DIS3L: variants seen among roughly 807,000 people sequenced by gnomAD.
DIS3L encodes DIS3-like exonuclease 1.
Under a neutral mutation model 120.3 loss-of-function variants are expected in DIS3L, and 100 were observed. The ratio of observed to expected loss-of-function variants is 0.83; its 90% CI spans 0.71 to 0.98. The LOEUF (loss-of-function observed/expected upper bound fraction) is 0.98. DIS3L is among the 50% of genes least tolerant of loss of function. DIS3L has a pLI of 0.00. For synonymous variants in DIS3L, 426 were observed against 470.6 expected (o/e 0.91, Z 1.23); for missense variants, 1,196 against 1,314.2 (o/e 0.91, Z 1.39).
At chr15:66,327,674 G>A (rs772924298) in intron 12 of DIS3L, among the ~76,000 whole-genome samples, 29 of 152,112 alleles carry the variant, frequency 1.9e-4, no homozygotes, top group Non-Finnish European at 1.5e-5. Context: ...AACCCGGGAG[G>A]CGGAGGTTGC....
chr15:66,318,639 A>C, intron 8 of DIS3L, 21 bp downstream of exon 8: 1 of 1,611,282 alleles, frequency 6.2e-7, no homozygotes, highest in Non-Finnish European at 8.5e-7. Context: ...TTCTACCTCT[A>C]CTATGGGATC....
intron 2 of DIS3L, among the ~76,000 whole-genome samples, chr15:66,296,819 G>A (rs1423930101): frequency 6.6e-6 from 1 of 152,190 alleles, no homozygotes; most frequent in Non-Finnish European, 1.5e-5. Flanking sequence ...ACTGTGCCCG[G>A]CCCAAAATCA....
In DIS3L at chr15:66,306,394, C is replaced by T. The variant is rs542041813; in HGVS notation, c.294-430C>T. Among the ~76,000 whole-genome samples the T allele has an allele frequency of 5.3e-5, 8 of 152,250 alleles. No homozygotes were observed. The East Asian group carries it at 1.5e-3, about 29-fold the overall frequency. ...ACATGTTCTTGTCTAGGGCTGCCAG[C>T]AAAAAGTCAAATGTATTAATGCTTA... On this transcript the variant is annotated intron_variant, in intron 2 of 16. Transcript: ENST00000319212.
rs748017042 is a variant in DIS3L at position 66,325,882 on chromosome 15, G to T, written c.1719G>T (p.Lys573Asn). 2 of 1,613,518 alleles carry T rather than the reference G, an allele frequency of 1.2e-6. No homozygotes were observed. The highest frequency in any genetic ancestry group is 8.5e-7 in the Non-Finnish European group (1 of 1,179,422). ...TGGATAAAGCCTCTTATGAAATTAA[G>T]AAAGTGTGGTATGGCAGAACCATTA... Reference protein sequence around the residue: ...WELDKASYEIKKVWYGRTIIR... With the variant: ...WELDKASYEINKVWYGRTIIR... The change falls in exon 12 of 17, where the codon AAG (lysine) becomes AAT (asparagine). Residue 573 changes from lysine to asparagine, a missense_variant. Transcript: ENST00000319212.
At chr15:66,316,591 G>A (rs2092819368) in intron 7 of DIS3L, among the ~76,000 whole-genome samples, 1 of 152,152 alleles carries the variant, frequency 6.6e-6, no homozygotes, top group East Asian at 1.9e-4. Context: ...TGAGGTGGGT[G>A]GGTCACTTGA....
chr15:66,329,452 T>C (rs1294819757), intron 14 of DIS3L, 53 bp downstream of exon 14: 4 of 1,557,552 alleles, frequency 2.6e-6, no homozygotes, highest in African/African-American at 1.4e-5. Context: ...TAAGAAAATA[T>C]CAGCTTTATT....
In DIS3L at chr15:66,329,337, G is replaced by A; in HGVS notation, c.2473G>A (p.Gly825Arg). 1 of 1,614,016 alleles carries A rather than the reference G, an allele frequency of 6.2e-7. No homozygotes were observed. Among genetic ancestry groups the A allele is most frequent in the Non-Finnish European group, 8.5e-7 (1 of 1,179,994 alleles). The change falls in exon 14 of 17, where the codon GGA becomes AGA. Residue 825 changes from glycine (G) to arginine (R), a missense_variant. Transcript: ENST00000319212. ...AAAAGATAAGAAAATGGAAATTAAGGGAAATCTGTTCAGCAACAAAGATCT... is the reference window on the plus strand; with the variant it reads ...AAAAGATAAGAAAATGGAAATTAAGAGAAATCTGTTCAGCAACAAAGATCT... ...ISKDKKMEIK[G>R]NLFSNKDLEE...
At chr15:66,299,404 G>T (rs1048138173) in intron 2 of DIS3L, among the ~76,000 whole-genome samples, 3 of 152,108 alleles carry the variant, frequency 2.0e-5, no homozygotes, top group Non-Finnish European at 2.9e-5. Context: ...TTATCTGGGC[G>T]TGATGGTGGG....
At chr15:66,315,559 C>T (rs886904447) in intron 7 of DIS3L, among the ~76,000 whole-genome samples, 1 of 152,112 alleles carries the variant, frequency 6.6e-6, no homozygotes, top group Non-Finnish European at 1.5e-5. Flanking sequence ...AATAATAGTT[C>T]CTAACACGAG....
chr15:66,332,514 G>GTGTGTA lies in DIS3L; in HGVS notation c.2682-221_2682-220insGTGTAT, dbSNP rs1436427790. ...TGTGTGTGTGTGTGTGTGTGTGTGT[G>GTGTGTA]TATATATATACACACACACTTCTAT... is the stretch of plus-strand genomic sequence containing the variant. On this transcript the variant is annotated intron_variant, in intron 15 of 16. Transcript: ENST00000319212. Among the ~76,000 whole-genome samples the GTGTGTA allele has an allele frequency of 5.5e-3, 414 of 74,730 alleles. 3 individuals are homozygous for GTGTGTA. The highest frequency in any genetic ancestry group is 0.014 in the African/African-American group (394 of 28,598). 49.0% of individuals were successfully genotyped at this position (74,730 alleles called of 152,430 possible).
intron 2 of DIS3L, among the ~76,000 whole-genome samples, chr15:66,296,300 A>G (rs968431741): frequency 1.3e-5 from 2 of 152,188 alleles, no homozygotes; most frequent in Non-Finnish European, 2.9e-5. Flanking sequence ...TTGGAATTTA[A>G]ACGTTTTTTT....
intron 7 of DIS3L, among the ~76,000 whole-genome samples, chr15:66,318,087 C>A (rs1473005206): frequency 6.6e-6 from 1 of 152,086 alleles, no homozygotes; most frequent in Non-Finnish European, 1.5e-5. Context: ...GATTCTCCTG[C>A]CTTAGCCTCC....
intron 4 of DIS3L, among the ~76,000 whole-genome samples, chr15:66,310,544 G>T (rs1315769208): frequency 6.6e-6 from 1 of 152,198 alleles, no homozygotes; most frequent in Non-Finnish European, 1.5e-5. Context: ...GGGACTTGAA[G>T]TTAGATGGAG....
chr15:66,326,202 C>T lies in DIS3L; in HGVS notation c.2039C>T (p.Thr680Ile). ...IPKQPLEVHE[T>I]VAECMILANH... ...AAGCAGCCCCTGGAAGTCCACGAGA[C>T]AGTGGCTGAATGCATGATCCTGGCC... Residue 680 changes from threonine (T) to isoleucine (I), a missense_variant, in exon 12 of 17, where the codon ACA becomes ATA. Coordinates refer to ENST00000319212, the MANE Select transcript of DIS3L (RefSeq NM_001143688.3). The T allele has an allele frequency of 1.2e-6, 2 of 1,614,228 alleles. No homozygotes were observed. The highest frequency in any genetic ancestry group is 1.7e-6 in the Non-Finnish European group (2 of 1,180,042).
intron 7 of DIS3L, among the ~76,000 whole-genome samples, chr15:66,317,327 C>T (rs1380610837): frequency 2.1e-5 from 3 of 140,812 alleles, no homozygotes; most frequent in African/African-American, 8.1e-5. Flanking sequence ...CTGGTTGGAG[C>T]TCAGTAAATA....
At chr15:66,309,615 G>A (rs2092740703) in intron 4 of DIS3L, among the ~76,000 whole-genome samples, 1 of 152,124 alleles carries the variant, frequency 6.6e-6, no homozygotes, top group African/African-American at 2.4e-5. Flanking sequence ...GTAAGGAAAT[G>A]GAAACACAGA....
intron 1 of DIS3L, 27 bp from the exon 2 acceptor site, chr15:66,294,961 T>C: frequency 6.3e-7 from 1 of 1,576,832 alleles, no homozygotes; most frequent in South Asian, 1.1e-5. Context: ...CATTGTCTAA[T>C]CTCTTACATT....
At chr15:66,294,194 C>G in intron 1 of DIS3L, 1 of 985,648 alleles carries the variant, frequency 1.0e-6, no homozygotes, top group East Asian at 1.1e-4. Context: ...CCTGCCCGCA[C>G]TGTTGCCCCA....
rs2093018032 is a variant in DIS3L, at chr15:66,332,995, CTA to C, written c.2857-7_2857-6del. 1 of 1,600,086 alleles carries C rather than the reference CTA, an allele frequency of 6.2e-7. No individual in the cohort carries two copies. On this transcript the variant is annotated splice_polypyrimidine_tract_variant and splice_region_variant and intron_variant, in intron 16 of 16. Coordinates refer to ENST00000319212, the MANE Select transcript of DIS3L (RefSeq NM_001143688.3). Reference sequence around the variant, plus strand: ...GATTTAGTAATATGTATTTTCTTCTCTATGCTAGGTAAGAATATCCATACAGG... The same window carrying C: ...GATTTAGTAATATGTATTTTCTTCTCTGCTAGGTAAGAATATCCATACAGG...
Sources: allele counts gnomAD v4.1 joint callset (sites outside exome capture counted in the v4.1 genomes callset), GRCh38; gene constraint gnomAD v4.1.1; transcripts MANE v1.5; gene names NCBI Gene and HGNC (gene_info 2026-07-23, HGNC 2026-07-21).